LDLRAD4: variants seen among roughly 807,000 people sequenced by gnomAD.
LDLRAD4 encodes the protein low density lipoprotein receptor class A domain containing 4, also known as low-density lipoprotein receptor class A domain-containing protein 4.
A neutral mutation model predicts 17.0 loss-of-function variants in LDLRAD4; 5 were observed. The observed-to-expected ratio is 0.29, with a 90% confidence interval of 0.15 to 0.62. The LOEUF (loss-of-function observed/expected upper bound fraction) is 0.62. LDLRAD4 is among the 20% of genes least tolerant of loss of function. LDLRAD4 has a pLI of 0.84. For missense variants in LDLRAD4, 340 were observed against 424.7 expected (o/e 0.80, Z 1.75); for synonymous variants, 168 against 171.8 (o/e 0.98, Z 0.17).
chr18:13,425,512 C>G (rs2089857208), intron 2 of LDLRAD4, among the ~76,000 whole-genome samples: 1 of 152,144 alleles, frequency 6.6e-6, no homozygotes, highest in South Asian at 2.1e-4. Flanking sequence ...TACTGGGGCA[C>G]TTCCTCCCTC....
At chr18:13,281,618 A>G (rs1453732374) in intron 1 of LDLRAD4, among the ~76,000 whole-genome samples, 1 of 152,120 alleles carries the variant, frequency 6.6e-6, no homozygotes, top group Non-Finnish European at 1.5e-5. Flanking sequence ...TCAGGTTGCT[A>G]TCAGGGAAGT....
chr18:13,292,092 G>C (rs1485565332), intron 1 of LDLRAD4, among the ~76,000 whole-genome samples: 1 of 152,232 alleles, frequency 6.6e-6, no homozygotes, highest in South Asian at 2.1e-4. Context: ...GTGAAGCACT[G>C]TGGGATTCAG....
rs150015603 is a variant in LDLRAD4 at position 13,505,390 on chromosome 18, T to G, written c.181+67006T>G. Among the ~76,000 whole-genome samples, 358 of 152,294 alleles carry G rather than the reference T, an allele frequency of 2.4e-3. 3 individuals carry two copies. The highest frequency in any genetic ancestry group is 8.3e-3 in the African/African-American group (343 of 41,560). ...AAGTGATGTTAATAGCAGGAAAAATTATAATTGCTGCCCTGACCTTTAAGC... is the reference window on the plus strand; with the variant it reads ...AAGTGATGTTAATAGCAGGAAAAATGATAATTGCTGCCCTGACCTTTAAGC... On this transcript the variant is annotated intron_variant, in intron 3 of 5. Transcript: ENST00000359446.
intron 3 of LDLRAD4, among the ~76,000 whole-genome samples, chr18:13,508,792 T>A (rs926462098): frequency 6.6e-6 from 1 of 152,242 alleles, no homozygotes; most frequent in African/African-American, 2.4e-5. Flanking sequence ...GTTATTTTCA[T>A]GCCTGCTAAC....
At chr18:13,269,054 T>C (rs1006769786) in intron 1 of LDLRAD4, among the ~76,000 whole-genome samples, 1 of 152,246 alleles carries the variant, frequency 6.6e-6, no homozygotes, top group Non-Finnish European at 1.5e-5. Context: ...TGGCAGCATG[T>C]ATGGAAACCA....
rs1039858261 is a variant in LDLRAD4, at chr18:13,622,675, G to A, written c.336+1404G>A. Among the ~76,000 whole-genome samples, 1 of 152,208 alleles carries A rather than the reference G, an allele frequency of 6.6e-6. No homozygotes were observed. The highest frequency in any genetic ancestry group is 2.4e-5 in the African/African-American group (1 of 41,436). On this transcript the variant is annotated intron_variant, in intron 4 of 5. Transcript: ENST00000359446. This position sits in a 1 kb window ranked among gnomAD's most constrained non-coding sequence, Gnocchi z 5.3. ...CCTGTAGATTGTTGGACAGAGGGAG[G>A]ACTAATTCTTCTGAAGTTCTAAACA...
intron 4 of LDLRAD4, among the ~76,000 whole-genome samples, chr18:13,632,123 C>T (rs1015590205): frequency 5.9e-5 from 9 of 152,186 alleles, no homozygotes; most frequent in Admixed American, 5.9e-4. Context: ...TCTTGTCCCA[C>T]AATCATCTCA....
At chr18:13,358,206 A>G (rs975760392) in intron 1 of LDLRAD4, among the ~76,000 whole-genome samples, 7 of 152,082 alleles carry the variant, frequency 4.6e-5, no homozygotes, top group Non-Finnish European at 7.4e-5. Context: ...ATTCACTGAC[A>G]CGAGGTTATT....
chr18:13,501,745 G>A lies in LDLRAD4; in HGVS notation c.181+63361G>A, dbSNP rs545051417. Among the ~76,000 whole-genome samples the A allele has an allele frequency of 3.9e-5, 6 of 152,226 alleles. No homozygotes were observed. The South Asian group carries it at 6.2e-4, about 16-fold the overall frequency. ...GGACGCCTGACACTCGCTCACACAC[G>A]CATGTCCCTCTCTCTGAGAGCCAGG... On this transcript the variant is annotated intron_variant, in intron 3 of 5. Transcript: ENST00000359446.
chr18:13,238,845 C>T (rs1018762768), intron 1 of LDLRAD4, among the ~76,000 whole-genome samples: 3 of 152,098 alleles, frequency 2.0e-5, no homozygotes, highest in Non-Finnish European at 4.4e-5. Context: ...CTCAACAGCC[C>T]TAGCCCCTGT....
intron 3 of LDLRAD4, among the ~76,000 whole-genome samples, chr18:13,513,649 T>C (rs1245384044): frequency 6.6e-6 from 1 of 152,182 alleles, no homozygotes; most frequent in East Asian, 1.9e-4. Flanking sequence ...GAGCTTATGC[T>C]GAATTTTCTT....
intron 1 of LDLRAD4, among the ~76,000 whole-genome samples, chr18:13,238,855 T>C (rs2042472272): frequency 6.6e-6 from 1 of 152,104 alleles, no homozygotes; most frequent in African/African-American, 2.4e-5. Context: ...CTAGCCCCTG[T>C]TCCTGCCGAG....
chr18:13,494,898 T>C (rs1194937132), intron 3 of LDLRAD4, among the ~76,000 whole-genome samples: 1 of 150,182 alleles, frequency 6.7e-6, no homozygotes, highest in Non-Finnish European at 1.5e-5. Flanking sequence ...CGCTTTTTCC[T>C]GTTGTTACAC....
At chr18:13,243,425 T>C (rs1369822709) in intron 1 of LDLRAD4, among the ~76,000 whole-genome samples, 1 of 150,924 alleles carries the variant, frequency 6.6e-6, no homozygotes, top group Non-Finnish European at 1.5e-5. Flanking sequence ...TATCCATCCA[T>C]CTAGCCACCT....
chr18:13,526,053 T>A (rs1412120793), intron 3 of LDLRAD4: 2 of 152,226 alleles, frequency 1.3e-5, no homozygotes, highest in Non-Finnish European at 2.9e-5. Context: ...GGAATTTTAT[T>A]ATATTTTATT....
chr18:13,523,311 C>A (rs965652538), intron 3 of LDLRAD4, among the ~76,000 whole-genome samples: 2 of 152,124 alleles, frequency 1.3e-5, no homozygotes, highest in African/African-American at 2.4e-5. Flanking sequence ...TCAGGTGAGT[C>A]TTTAGGGGGG....
chr18:13,571,386 G>A (rs776808976), intron 3 of LDLRAD4, among the ~76,000 whole-genome samples: 6 of 152,090 alleles, frequency 3.9e-5, no homozygotes, highest in Admixed American at 1.3e-4. Context: ...GTCACAGCCC[G>A]TCACCCTGTT....
chr18:13,370,701 GT>G (rs1378242042), intron 1 of LDLRAD4, among the ~76,000 whole-genome samples: 1 of 94,616 alleles, frequency 1.1e-5, no homozygotes, highest in Non-Finnish European at 2.1e-5. Flanking sequence ...CTCTTTCATG[GT>G]TTTTTGTTTT....
chr18:13,640,805 A>G (rs1371641355), intron 4 of LDLRAD4, among the ~76,000 whole-genome samples: 4 of 152,202 alleles, frequency 2.6e-5, no homozygotes, highest in Non-Finnish European at 4.4e-5. Flanking sequence ...AGACCTGCCG[A>G]CAGGCCGGAT....
Sources: allele counts gnomAD v4.1 joint callset (sites outside exome capture counted in the v4.1 genomes callset), GRCh38; gene constraint gnomAD v4.1.1; non-coding constraint Gnocchi (gnomAD v3.1); transcripts MANE v1.5; gene names NCBI Gene and HGNC (gene_info 2026-07-23, HGNC 2026-07-21).